Variants in CSMD1 observed in about 807,000 individuals in gnomAD.
CSMD1 encodes the protein CUB and sushi domain-containing protein 1.
A neutral mutation model predicts 417.5 loss-of-function variants in CSMD1; 213 were observed. The observed-to-expected ratio is 0.51, with a 90% confidence interval of 0.46 to 0.57. The LOEUF is 0.57. CSMD1 is among the 20% of genes least tolerant of loss of function. The pLI, the probability that CSMD1 is intolerant of heterozygous loss-of-function variation, is 0.00. For missense variants in CSMD1, 6,923 were observed against 4,529.7 expected, an observed-to-expected ratio of 1.53 and a Z score of -15.17; for synonymous variants, 2,862 against 1,736.8, an observed-to-expected ratio of 1.65 and a Z score of -16.11.
chr8:3,144,678 T>C (rs1411101131), intron 40 of CSMD1, among the ~76,000 whole-genome samples: 3 of 151,980 alleles, frequency 2.0e-5, no homozygotes, highest in Non-Finnish European at 4.4e-5. Context: ...AATACTGCTG[T>C]TTGTTGAACA....
chr8:3,360,354 C>G (rs763987301), intron 20 of CSMD1, among the ~76,000 whole-genome samples: 1 of 152,222 alleles, frequency 6.6e-6, no homozygotes, highest in Non-Finnish European at 1.5e-5. Flanking sequence ...CAGCCAACTC[C>G]TTCTGATCTC....
intron 5 of CSMD1, among the ~76,000 whole-genome samples, chr8:3,940,077 A>G (rs1273409667): frequency 3.3e-5 from 5 of 151,592 alleles, no homozygotes; most frequent in Admixed American, 3.3e-4. Flanking sequence ...TAAAATATAA[A>G]AACTTATAAA....
chr8:3,606,997 G>A (rs771814335), intron 8 of CSMD1, among the ~76,000 whole-genome samples: 26 of 152,052 alleles, frequency 1.7e-4, no homozygotes, highest in Admixed American at 3.9e-4. Flanking sequence ...AGCGTGAGCC[G>A]CCGTGCCTGG....
chr8:4,685,338 C>T (rs868824600), intron 1 of CSMD1, among the ~76,000 whole-genome samples: 6 of 152,164 alleles, frequency 3.9e-5, no homozygotes, highest in African/African-American at 7.2e-5. Context: ...CTTTGGGAGG[C>T]TGAGGCAGGC....
intron 7 of CSMD1, among the ~76,000 whole-genome samples, chr8:3,633,154 A>T (rs73493668): frequency 0.02 from 3,095 of 152,316 alleles, 99 homozygotes; most frequent in African/African-American, 0.071. Context: ...TATAGACAGT[A>T]AATCATTAAA....
intron 2 of CSMD1, among the ~76,000 whole-genome samples, chr8:4,573,869 T>C (rs1799008326): frequency 6.6e-6 from 1 of 152,178 alleles, no homozygotes; most frequent in East Asian, 1.9e-4. Flanking sequence ...GGCTTTGCCG[T>C]GCAGTGGTGC....
At chr8:2,975,249 G>C (rs1292081558) in intron 55 of CSMD1, among the ~76,000 whole-genome samples, 3 of 151,768 alleles carry the variant, frequency 2.0e-5, no homozygotes, top group African/African-American at 7.3e-5. Context: ...TACCAAATCA[G>C]GCCTAAACTC....
intron 5 of CSMD1, among the ~76,000 whole-genome samples, chr8:3,888,587 G>A (rs1178232280): frequency 6.6e-6 from 1 of 152,078 alleles, no homozygotes; most frequent in Non-Finnish European, 1.5e-5. Flanking sequence ...GCTAATAATG[G>A]CCCAGCTGCA....
At chr8:3,484,445 A>G (rs2117258539) in intron 11 of CSMD1, among the ~76,000 whole-genome samples, 1 of 152,336 alleles carries the variant, frequency 6.6e-6, no homozygotes, top group Admixed American at 6.5e-5. Context: ...CTCAAAAGGG[A>G]TAAGAGACTT....
intron 2 of CSMD1, among the ~76,000 whole-genome samples, chr8:4,453,336 G>A (rs1393470546): frequency 6.6e-6 from 1 of 152,064 alleles, no homozygotes; most frequent in African/African-American, 2.4e-5. Context: ...CTCCCACTGG[G>A]AACCAACTGC....
In CSMD1 at chr8:3,271,986, G is replaced by C. The variant is rs573180819; in HGVS notation, c.4153+12158C>G. 3.3e-5 allele frequency among the ~76,000 whole-genome samples: 5 copies of C among 152,060 alleles called. No individual in the cohort carries two copies. The South Asian group carries it at 1.0e-3, about 32-fold the overall frequency. ...TTTGTTGCCTTTGCTTTTTGTGTTT[G>C]AGACATGCAGTCCTTGCCCATGCCT... On this transcript the variant is annotated intron_variant, in intron 26 of 69. Transcript: ENST00000635120.
At position 3,561,912 on chromosome 8, in the gene CSMD1, T is replaced by G. The variant is rs117357269; in HGVS notation, c.1344+13033A>C. On this transcript the variant is annotated intron_variant, in intron 10 of 69. Coordinates refer to ENST00000635120, the MANE Select transcript of CSMD1 (RefSeq NM_033225.6). ...AGAGGAAGCCATGCCCAGAGGCTTC[T>G]GCATAAGCGAGGGATGCAGATGATC... Among the ~76,000 whole-genome samples the G allele has an allele frequency of 3.2e-3, 484 of 152,332 alleles. 6 individuals carry two copies. The East Asian group carries it at 0.035, about 11-fold the overall frequency.
intron 1 of CSMD1, among the ~76,000 whole-genome samples, chr8:4,738,262 G>A (rs1027138735): frequency 5.1e-4 from 78 of 152,106 alleles, no homozygotes; most frequent in African/African-American, 1.8e-3. Flanking sequence ...TCATTTTCAC[G>A]CTGCTATAAA....
chr8:3,192,104 T>G (rs1402324033), intron 33 of CSMD1, among the ~76,000 whole-genome samples: 1 of 152,210 alleles, frequency 6.6e-6, no homozygotes, highest in African/African-American at 2.4e-5. Context: ...ATTATTTTGA[T>G]TAAACGATGT....
intron 5 of CSMD1, among the ~76,000 whole-genome samples, chr8:3,865,754 G>A (rs779049231): frequency 1.3e-5 from 2 of 152,078 alleles, no homozygotes; most frequent in East Asian, 1.9e-4. Flanking sequence ...ATGGAGTAAT[G>A]CTATTTGCTA....
intron 5 of CSMD1, among the ~76,000 whole-genome samples, chr8:3,820,897 C>T (rs1350763106): frequency 6.6e-6 from 1 of 151,870 alleles, no homozygotes; most frequent in Admixed American, 6.6e-5. Context: ...TCCTTAAGGA[C>T]CTGCCTGAGG....
chr8:4,456,336 G>C (rs749512130), intron 2 of CSMD1, among the ~76,000 whole-genome samples: 4 of 152,168 alleles, frequency 2.6e-5, no homozygotes, highest in East Asian at 3.8e-4. Flanking sequence ...ATTAGTCATA[G>C]AGCAGGAACA....
intron 12 of CSMD1, among the ~76,000 whole-genome samples, chr8:3,427,783 A>C (rs988278935): frequency 6.6e-6 from 1 of 152,218 alleles, no homozygotes; most frequent in Non-Finnish European, 1.5e-5. Flanking sequence ...TTCAGAGAGG[A>C]AACAAGAGAC....
At chr8:4,645,239 G>C (rs968647095) in intron 1 of CSMD1, among the ~76,000 whole-genome samples, 1 of 152,024 alleles carries the variant, frequency 6.6e-6, no homozygotes, top group Admixed American at 6.6e-5. Context: ...AGACAAGGCT[G>C]CCATGAGTCA....
Sources: allele counts gnomAD v4.1 joint callset (sites outside exome capture counted in the v4.1 genomes callset), GRCh38; gene constraint gnomAD v4.1.1; transcripts MANE v1.5; gene names NCBI Gene and HGNC (gene_info 2026-07-23, HGNC 2026-07-21).